The following ZNF84 variants were observed in gnomAD, a reference collection of about 807,000 sequenced individuals.
The protein encoded by ZNF84 is zinc finger protein HPF2.
Under a neutral mutation model 14.8 loss-of-function variants are expected in ZNF84, and 12 were observed. That is an observed-to-expected ratio of 0.81 (90% confidence interval 0.52 to 1.31). The LOEUF (loss-of-function observed/expected upper bound fraction) is 1.31. Ranked by LOEUF, ZNF84 falls within the 50% of genes most tolerant of loss-of-function variation. ZNF84 has a pLI of 0.00. For missense variants in ZNF84, 859 were observed against 878.6 expected, an observed-to-expected ratio of 0.98 and a Z score of 0.28; for synonymous variants, 347 against 291.1, an observed-to-expected ratio of 1.19 and a Z score of -1.96.
chr12:133,063,197 T>C lies in ZNF84; in HGVS notation c.*4265T>C. ...ATTGTGTTCCAGTACCTGGTTCTTC[T>C]GGTCTTCATGTTCAGGTCCACCTCT... On this transcript the variant is annotated 3_prime_UTR_variant, in exon 5 of 5. Transcript: ENST00000539354. The C allele has an allele frequency of 1.4e-6, 1 of 702,412 alleles. No individual in the cohort carries two copies. 43.5% of individuals were successfully genotyped at this position (702,412 alleles called of 1,614,324 possible).
At chr12:133,055,738 T>C (rs1466475809) in intron 4 of ZNF84, among the ~76,000 whole-genome samples, 1 of 152,184 alleles carries the variant, frequency 6.6e-6, no homozygotes. Flanking sequence ...TCAACACCTA[T>C]GAATGATAGA....
Position 133,059,825 on chromosome 12 carries a change from G to T in ZNF84, c.*893G>T, listed in dbSNP as rs1241567993. ...ATGACTACATGAATAAGTACCTTAA[G>T]TGATAACCCGTTTCTTTTAACTTAT... is the stretch of plus-strand genomic sequence containing the variant. On this transcript the variant is annotated 3_prime_UTR_variant, in exon 5 of 5. Transcript: ENST00000539354. The T allele has an allele frequency of 6.6e-6, 1 of 152,136 alleles. No individual in the cohort carries two copies. The highest frequency in any genetic ancestry group is 1.5e-5 in the Non-Finnish European group (1 of 68,032). The allele number at this position is 152,136 out of a possible 1,614,324, so 9.4% of individuals were successfully genotyped here.
rs1366793217 is a variant in ZNF84 at position 133,060,156 on chromosome 12, A to T, written c.*1224A>T. The T allele has an allele frequency of 6.6e-6, 1 of 152,118 alleles. No individual in the cohort carries two copies. Among genetic ancestry groups the T allele is most frequent in the Non-Finnish European group, 1.5e-5 (1 of 68,012 alleles). 9.4% of individuals were successfully genotyped at this position (152,118 alleles called of 1,614,324 possible). ...GTATCTTAAGTGATATGTAACCCAA[A>T]TGTCACTATTTTAATTTACTGTGAT... On this transcript the variant is annotated 3_prime_UTR_variant, in exon 5 of 5. Transcript: ENST00000539354.
At chr12:133,051,505 G>T (rs1413965049) in intron 4 of ZNF84, among the ~76,000 whole-genome samples, 1 of 152,134 alleles carries the variant, frequency 6.6e-6, no homozygotes, top group Non-Finnish European at 1.5e-5. Context: ...ACACTGTAAG[G>T]ACACAGCTGG....
intron 4 of ZNF84, among the ~76,000 whole-genome samples, chr12:133,049,818 A>T (rs914131703): frequency 1.7e-4 from 26 of 151,770 alleles, no homozygotes; most frequent in African/African-American, 5.6e-4. Context: ...TTGTTTAAAA[A>T]TTTTTTTTCT....
intron 2 of ZNF84, among the ~76,000 whole-genome samples, chr12:133,044,828 C>T (rs796378005): frequency 1.4e-4 from 21 of 151,692 alleles, no homozygotes; most frequent in African/African-American, 3.9e-4. Context: ...GCAGGAGAAT[C>T]GCTTGAACCT....
At chr12:133,055,745 T>C (rs2137409840) in intron 4 of ZNF84, among the ~76,000 whole-genome samples, 1 of 152,316 alleles carries the variant, frequency 6.6e-6, no homozygotes, top group East Asian at 1.9e-4. Flanking sequence ...CTATGAATGA[T>C]AGAACACCAA....
rs1300188173 is a variant in ZNF84, at chr12:133,058,944, ATAG to A, written c.*17_*19del. On this transcript the variant is annotated 3_prime_UTR_variant, in exon 5 of 5. Coordinates refer to ENST00000539354, the MANE Select transcript of ZNF84 (RefSeq NM_001289971.2). ...TAAAAAAATCCTAGGAATACAGTTA[ATAG>A]TAGTCTTTGACAGATCATCTTGGAC... The A allele has an allele frequency of 7.8e-5, 123 of 1,574,968 alleles. No individual in the cohort carries two copies. The Admixed American group carries it at 7.9e-4, about 10-fold the overall frequency.
intron 4 of ZNF84, among the ~76,000 whole-genome samples, chr12:133,052,573 A>G (rs1234291547): frequency 1.3e-5 from 2 of 152,146 alleles, no homozygotes; most frequent in Non-Finnish European, 2.9e-5. Context: ...GGGTTCAAGT[A>G]ATCTGCCTGC....
At chr12:133,038,396 T>A (rs1953826164) in intron 1 of ZNF84, among the ~76,000 whole-genome samples, 2 of 152,130 alleles carry the variant, frequency 1.3e-5, no homozygotes, top group African/African-American at 4.8e-5. Flanking sequence ...CATTATTTTG[T>A]ATTTCCAAAA....
rs1954018349 is a variant in ZNF84, at chr12:133,048,308, T to TA, written c.142+228dup. The TA allele has an allele frequency of 1.6e-5, 7 of 425,064 alleles. 1 individual carries two copies. The South Asian group carries it at 2.2e-4, about 13-fold the overall frequency. 26.3% of individuals were successfully genotyped at this position (425,064 alleles called of 1,614,324 possible). ...TGTCATGCAGCCTCTGAAACTTAAG[T>TA]AGTAATAGTTTGAGCAGTAGTGATA... On this transcript the variant is annotated intron_variant, in intron 3 of 4. Transcript: ENST00000539354.
At position 133,041,423 on chromosome 12, in the gene ZNF84, A is replaced by T; in HGVS notation, c.-45A>T. On this transcript the variant is annotated 5_prime_UTR_variant, in exon 2 of 5. Coordinates refer to ENST00000539354, the MANE Select transcript of ZNF84 (RefSeq NM_001289971.2). ...GGCAGAAGCAGAAGAGACGCACAGT[A>T]GAACCGATCTCAGCCTTGCTGATCA... The T allele has an allele frequency of 6.2e-7, 1 of 1,611,770 alleles. No individual in the cohort carries two copies. Among genetic ancestry groups the T allele is most frequent in the South Asian group, 1.1e-5 (1 of 91,024 alleles).
rs2137448466 is a variant in ZNF84, at chr12:133,063,116, T to C, written c.*4184T>C. ...TTCTGCCACATGGAGAAACATGGTC[T>C]GCAGTGAGAGAGAAGAATGAAGCCA... On this transcript the variant is annotated 3_prime_UTR_variant, in exon 5 of 5. Transcript: ENST00000539354. 1.4e-6 allele frequency: 1 copy of C among 702,396 alleles called. No homozygotes were observed. The highest frequency in any genetic ancestry group is 1.5e-5 in the South Asian group (1 of 67,602). 43.5% of individuals were successfully genotyped at this position (702,396 alleles called of 1,614,324 possible). A position where few individuals can be genotyped will look rare whatever the true frequency, so the allele number is the denominator to read the frequency against.
At chr12:133,038,445 C>T (rs1953827228) in intron 1 of ZNF84, among the ~76,000 whole-genome samples, 1 of 143,824 alleles carries the variant, frequency 7.0e-6, no homozygotes, top group Non-Finnish European at 1.5e-5. Context: ...CCTGTAGCCC[C>T]AGCTACTCTG....
Position 133,057,801 on chromosome 12 carries a change from C to T in ZNF84, c.1086C>T (p.Leu362=), listed in dbSNP as rs61735098. ...AAGCCTTCAGCAGGAAGTCACAACT[C>T]GTTACACATCACAGAACTCACACAG... ...CGKAFSRKSQ[L]VTHHRTHTGT... The change falls in exon 5 of 5, where the codon CTC becomes CTT. Residue 362 remains leucine, a synonymous_variant. Coordinates refer to ENST00000539354, the MANE Select transcript of ZNF84 (RefSeq NM_001289971.2). The T allele has an allele frequency of 2.8e-3, 4,547 of 1,613,886 alleles. 109 individuals are homozygous for T. In the African/African-American group the frequency reaches 0.052, roughly 19 times the overall value.
In ZNF84 at chr12:133,059,087, C is replaced by G. The variant is rs1954213903; in HGVS notation, c.*155C>G. 1.3e-6 allele frequency: 1 copy of G among 754,456 alleles called. No homozygotes were observed. Among genetic ancestry groups the G allele is most frequent in the South Asian group, 1.9e-5 (1 of 51,500 alleles). 46.7% of individuals were successfully genotyped at this position (754,456 alleles called of 1,614,324 possible). A position where few individuals can be genotyped will look rare whatever the true frequency, so the allele number is the denominator to read the frequency against. ...GGTGTATGGAAAGCCGATCATAATT[C>G]ATAGAGTAGAGTGAACCTATGACTG... On this transcript the variant is annotated 3_prime_UTR_variant, in exon 5 of 5. Transcript: ENST00000539354.
chr12:133,060,812 C>A lies in ZNF84; in HGVS notation c.*1880C>A, dbSNP rs770026455. 8.6e-3 allele frequency: 1,312 copies of A among 152,278 alleles called. 18 individuals carry two copies. Among genetic ancestry groups the A allele is most frequent in the African/African-American group, 0.029 (1,207 of 41,548 alleles). The allele number at this position is 152,278 out of a possible 1,614,324, so 9.4% of individuals were successfully genotyped here. ...TTCCATAAAAATGCATGAACCATCC[C>A]TTAGCTAAGTAAGGATTTTGTAATG... On this transcript the variant is annotated 3_prime_UTR_variant, in exon 5 of 5. Coordinates refer to ENST00000539354, the MANE Select transcript of ZNF84 (RefSeq NM_001289971.2).
At chr12:133,056,753 T>A (rs1258257672) in intron 4 of ZNF84, among the ~76,000 whole-genome samples, 3 of 152,228 alleles carry the variant, frequency 2.0e-5, no homozygotes, top group Non-Finnish European at 2.9e-5. Context: ...GATGACTTAA[T>A]CTCCAGTCAG....
chr12:133,046,288 C>CCCT (rs1953975251), intron 2 of ZNF84, among the ~76,000 whole-genome samples: 1 of 150,118 alleles, frequency 6.7e-6, no homozygotes, highest in Non-Finnish European at 1.5e-5. Context: ...AATCTCATCA[C>CCCT]TATCCCATTC....
Sources: gnomAD v4.1 joint callset for allele counts (sites outside exome capture counted in the v4.1 genomes callset) on GRCh38, gnomAD v4.1.1 for gene constraint, MANE v1.5 for transcripts, NCBI Gene and HGNC (gene_info 2026-07-23, HGNC 2026-07-21) for gene names.